PLOD2: variants seen among roughly 807,000 people sequenced by gnomAD.
PLOD2 encodes the protein procollagen-lysine,2-oxoglutarate 5-dioxygenase 2, also known as lysine hydroxylase 2.
In PLOD2, 65 loss-of-function variants were observed where a neutral mutation model predicts 101.0. That is an observed-to-expected ratio of 0.64 (90% confidence interval 0.53 to 0.79). PLOD2 has a LOEUF of 0.79. Ranked by LOEUF, PLOD2 falls within the 30% of genes least tolerant of loss-of-function variation. PLOD2 has a pLI of 0.00. For synonymous variants in PLOD2, 314 were observed against 302.9 expected (o/e 1.04, Z -0.38); for missense variants, 909 against 914.6 (o/e 0.99, Z 0.08).
chr3:146,096,891 A>G (rs867486572), intron 7 of PLOD2, among the ~76,000 whole-genome samples: 32,544 of 73,268 alleles, frequency 0.44, 8,623 homozygotes, highest in East Asian at 0.5. Context: ...GGGGGGGGGG[A>G]GTCGGCCAGC....
At chr3:146,123,238 A>G (rs2030308183) in intron 2 of PLOD2, 1 of 967,922 alleles carries the variant, frequency 1.0e-6, no homozygotes, top group Non-Finnish European at 1.3e-6. Context: ...TTTTAAAAAA[A>G]AAGTTTTTTG....
chr3:146,071,508 C>T, intron 17 of PLOD2, 85 bp from the exon 18 acceptor site: 1 of 1,213,464 alleles, frequency 8.2e-7, no homozygotes, highest in East Asian at 2.4e-5. Context: ...AACCACAGAT[C>T]ATAATAGACA....
At chr3:146,124,008 C>T in intron 2 of PLOD2, 130 bp downstream of exon 2, 1 of 653,668 alleles carries the variant, frequency 1.5e-6, no homozygotes, top group Non-Finnish European at 2.8e-6. Flanking sequence ...CCAAAAACTA[C>T]ATGAACTAAC....
Position 146,071,283 on chromosome 3 carries a change from A to G in PLOD2, c.1989T>C (p.Tyr663=), listed in dbSNP as rs1231788895. 2.5e-6 allele frequency: 4 copies of G among 1,611,940 alleles called. No homozygotes were observed. The highest frequency in any genetic ancestry group is 2.5e-6 in the Non-Finnish European group (3 of 1,178,662). The stretch of plus-strand genomic sequence containing the variant: ...GGGGTGAGAGGATAACTACCTTCGT[A>G]TAATAGCCTGCAAAGACCTTCAGTG... The part of the protein sequence containing the change: ...PVTLKVFAGY[Y]TKGFALLNFV... Residue 663 remains tyrosine (Y), a synonymous_variant, in exon 18 of 20, where the codon TAT becomes TAC. Coordinates refer to ENST00000282903, the MANE Select transcript of PLOD2 (RefSeq NM_182943.3).
intron 5 of PLOD2, among the ~76,000 whole-genome samples, chr3:146,105,579 T>C (rs1313728839): frequency 6.6e-6 from 1 of 152,220 alleles, no homozygotes; most frequent in Non-Finnish European, 1.5e-5. Context: ...TTAAAAACTG[T>C]CTTTTGAGTG....
chr3:146,070,918 G>A (rs758999892), intron 19 of PLOD2, 46 bp from the exon 20 acceptor site: 9 of 1,549,344 alleles, frequency 5.8e-6, no homozygotes, highest in Non-Finnish European at 7.1e-6. Flanking sequence ...TATTTAACCA[G>A]TGGCAAAATT....
At chr3:146,109,532 C>CCCT (rs1344660964) in intron 4 of PLOD2, among the ~76,000 whole-genome samples, 3 of 152,144 alleles carry the variant, frequency 2.0e-5, no homozygotes, top group Admixed American at 6.5e-5. Context: ...CGTAGATCAC[C>CCCT]CCCAAAATCC....
At chr3:146,148,599 A>C (rs2031911138) in intron 1 of PLOD2, among the ~76,000 whole-genome samples, 1 of 152,176 alleles carries the variant, frequency 6.6e-6, no homozygotes, top group South Asian at 2.1e-4. Flanking sequence ...TATTTTAAAA[A>C]CATCATCCTC....
At chr3:146,080,983 C>T (rs1936520967) in intron 12 of PLOD2, among the ~76,000 whole-genome samples, 1 of 152,000 alleles carries the variant, frequency 6.6e-6, no homozygotes, top group Non-Finnish European at 1.5e-5. Flanking sequence ...AGGGCACATC[C>T]TTTTAGTCCT....
At chr3:146,148,041 T>G (rs2031868361) in intron 1 of PLOD2, among the ~76,000 whole-genome samples, 1 of 151,752 alleles carries the variant, frequency 6.6e-6, no homozygotes, top group Non-Finnish European at 1.5e-5. Flanking sequence ...AAAAACAATA[T>G]TTAGGCTAGA....
intron 1 of PLOD2, among the ~76,000 whole-genome samples, chr3:146,127,429 A>T (rs1339828867): frequency 6.6e-6 from 1 of 152,064 alleles, no homozygotes; most frequent in Non-Finnish European, 1.5e-5. Context: ...AACACGTGGC[A>T]TTCGGTTTTC....
In PLOD2 at chr3:146,073,318, G is replaced by C; in HGVS notation, c.1712C>G (p.Ser571Ter). The change falls in exon 16 of 20, where the codon TCA becomes TGA. Residue 571 changes from serine to a stop codon, truncating the protein, a stop_gained. Transcript: ENST00000282903. LOFTEE classifies it high-confidence loss of function. ...WKEKYINRDY[S>*]KIFTENIVEQ... ...AACTATATTTTCAGTGAAAATCTTT[G>C]AATAATCACGGTTTATATACTTTTC... The C allele has an allele frequency of 8.1e-7, 1 of 1,230,436 alleles. No homozygotes were observed. Among genetic ancestry groups the C allele is most frequent in the Non-Finnish European group, 1.2e-6 (1 of 852,210 alleles). 76.2% of individuals were successfully genotyped at this position (1,230,436 alleles called of 1,614,324 possible).
intron 15 of PLOD2, among the ~76,000 whole-genome samples, chr3:146,074,156 G>T (rs897457452): frequency 2.0e-5 from 3 of 151,246 alleles, no homozygotes; most frequent in African/African-American, 7.3e-5. Flanking sequence ...AAAAGCTAAA[G>T]AATTATTTTA....
Position 146,072,667 on chromosome 3 carries a change from T to C in PLOD2, c.1744-2A>G. 6.5e-7 allele frequency: 1 copy of C among 1,546,042 alleles called. No homozygotes were observed. The highest frequency in any genetic ancestry group is 1.1e-5 in the South Asian group (1 of 89,752). On this transcript the variant is annotated splice_acceptor_variant, in intron 16 of 19. Coordinates refer to ENST00000282903, the MANE Select transcript of PLOD2 (RefSeq NM_182943.3). LOFTEE classifies it high-confidence loss of function. ...GAACCAAAAGACATCTGGACAGGGC[T>C]ATAAAATATGCATCATCGTTAGAAG...
chr3:146,138,394 C>T (rs2031353230), intron 1 of PLOD2, among the ~76,000 whole-genome samples: 1 of 150,998 alleles, frequency 6.6e-6, no homozygotes, highest in Admixed American at 6.6e-5. Context: ...AGATAAAGAA[C>T]GAAGTGTCAT....
At chr3:146,104,193 C>G in intron 6 of PLOD2, 86 bp downstream of exon 6, 1 of 825,902 alleles carries the variant, frequency 1.2e-6, no homozygotes, top group Non-Finnish European at 2.2e-6. Context: ...AGTCACAGCC[C>G]CCAAATGGAC....
intron 2 of PLOD2, among the ~76,000 whole-genome samples, chr3:146,122,015 T>A (rs954312482): frequency 6.6e-6 from 1 of 152,140 alleles, no homozygotes; most frequent in Non-Finnish European, 1.5e-5. Context: ...GTTGCCATTA[T>A]AATGATCTAC....
intron 1 of PLOD2, among the ~76,000 whole-genome samples, chr3:146,129,390 A>T (rs2030771257): frequency 6.6e-6 from 1 of 152,186 alleles, no homozygotes; most frequent in Admixed American, 6.5e-5. Flanking sequence ...GAATTGGCCT[A>T]AGGGTCATAA....
At chr3:146,116,273 A>G (rs1296422769) in intron 3 of PLOD2, among the ~76,000 whole-genome samples, 1 of 152,000 alleles carries the variant, frequency 6.6e-6, no homozygotes, top group East Asian at 1.9e-4. Flanking sequence ...AGACACACAC[A>G]CGCACACACA....
Sources: allele counts gnomAD v4.1 joint callset (sites outside exome capture counted in the v4.1 genomes callset), GRCh38; gene constraint gnomAD v4.1.1; transcripts MANE v1.5; gene names NCBI Gene and HGNC (gene_info 2026-07-23, HGNC 2026-07-21).